The following CCNY variants were observed in gnomAD, a reference collection of about 807,000 sequenced individuals.
The protein encoded by CCNY is cyclin-Y.
CCNY carries 19 observed loss-of-function variants against 42.8 expected under a neutral mutation model. The observed-to-expected ratio is 0.44, with a 90% CI of 0.31 to 0.65. CCNY has a LOEUF of 0.65. Ranked by LOEUF, CCNY falls within the 30% of genes least tolerant of loss-of-function variation. The pLI is 0.07. For missense variants in CCNY, 370 were observed against 437.3 expected (o/e 0.85, Z 1.37); for synonymous variants, 165 against 162.7 (o/e 1.01, Z -0.11).
intron 1 of CCNY, among the ~76,000 whole-genome samples, chr10:35,339,445 C>T (rs1449828982): frequency 6.6e-6 from 1 of 152,124 alleles, no homozygotes; most frequent in African/African-American, 2.4e-5. Context: ...ACACTATATA[C>T]ATCTATATGT....
intron 3 of CCNY, among the ~76,000 whole-genome samples, chr10:35,280,132 G>A (rs781064339): frequency 6.6e-6 from 1 of 152,072 alleles, no homozygotes; most frequent in Admixed American, 6.6e-5. Context: ...AAGAATACCA[G>A]CTTGGGCTAC....
At chr10:35,383,360 T>A (rs1459680491) in intron 1 of CCNY, among the ~76,000 whole-genome samples, 1 of 151,840 alleles carries the variant, frequency 6.6e-6, no homozygotes. Context: ...CAGGCTGGAG[T>A]GCAGTGGCAC....
In CCNY at chr10:35,464,351, G is replaced by T. The variant is rs529019365; in HGVS notation, c.155-19053G>T. On this transcript the variant is annotated intron_variant, in intron 1 of 9. Coordinates refer to ENST00000374704, the MANE Select transcript of CCNY (RefSeq NM_145012.6). ...CCAACCCCTTTCCCACGTGGATGAT[G>T]ACCACAGCTCCCAACTGACAACTTT... is the stretch of plus-strand genomic sequence containing the variant. Among the ~76,000 whole-genome samples, 3 of 152,230 alleles carry T rather than the reference G, an allele frequency of 2.0e-5. No homozygotes were observed. The South Asian group carries it at 6.2e-4, about 32-fold the overall frequency.
In CCNY at chr10:35,570,062, A is replaced by G. The variant is rs1841656002; in HGVS notation, c.*892A>G. ...GTGAGAGTTCTGCAGAGTGCTGGGC[A>G]TGTGCCTGGAACTACCGAGTAGGAG... On this transcript the variant is annotated 3_prime_UTR_variant, in exon 10 of 10. Coordinates refer to ENST00000374704, the MANE Select transcript of CCNY (RefSeq NM_145012.6). 6.5e-6 allele frequency: 1 copy of G among 152,786 alleles called. No homozygotes were observed. Among genetic ancestry groups the G allele is most frequent in the African/African-American group, 2.4e-5 (1 of 41,442 alleles). The allele number at this position is 152,786 out of a possible 1,614,324, so 9.5% of individuals were successfully genotyped here.
chr10:35,534,816 T>G (rs904516029), intron 7 of CCNY, among the ~76,000 whole-genome samples: 4 of 152,066 alleles, frequency 2.6e-5, no homozygotes, highest in African/African-American at 9.7e-5. Context: ...TCTGAACATT[T>G]CATATCAATA....
chr10:35,540,946 G>A (rs1840986737), intron 7 of CCNY, among the ~76,000 whole-genome samples: 2 of 151,870 alleles, frequency 1.3e-5, no homozygotes, highest in Admixed American at 1.3e-4. Flanking sequence ...GAATTTTGTT[G>A]TTTTTTCCAA....
At chr10:35,387,247 G>T (rs1440013017) in intron 1 of CCNY, among the ~76,000 whole-genome samples, 8 of 151,256 alleles carry the variant, frequency 5.3e-5, no homozygotes, top group Non-Finnish European at 1.0e-4. Flanking sequence ...TACTGCCAGT[G>T]AGATAGTCCT....
chr10:35,433,753 A>G (rs1838464805), intron 1 of CCNY, among the ~76,000 whole-genome samples: 1 of 152,160 alleles, frequency 6.6e-6, no homozygotes, highest in African/African-American at 2.4e-5. Flanking sequence ...CTGGGACCAC[A>G]GGCACGTGCC....
chr10:35,375,208 T>G (rs1461622781), intron 1 of CCNY, among the ~76,000 whole-genome samples: 3 of 152,222 alleles, frequency 2.0e-5, no homozygotes, highest in Non-Finnish European at 2.9e-5. Flanking sequence ...CAGGACTCAG[T>G]GGGCAGAAAT....
intron 1 of CCNY, among the ~76,000 whole-genome samples, chr10:35,458,214 T>G (rs567519647): frequency 6.6e-6 from 1 of 152,342 alleles, no homozygotes; most frequent in African/African-American, 2.4e-5. Flanking sequence ...CCCCACCCAT[T>G]GCACCTCAGA....
At chr10:35,402,606 AG>A (rs1217007404) in intron 1 of CCNY, among the ~76,000 whole-genome samples, 1 of 152,236 alleles carries the variant, frequency 6.6e-6, no homozygotes, top group African/African-American at 2.4e-5. Flanking sequence ...TGTTTGTTAA[AG>A]AAGGATTAGA....
At chr10:35,527,162 G>A (rs192652778) in intron 5 of CCNY, among the ~76,000 whole-genome samples, 1 of 152,274 alleles carries the variant, frequency 6.6e-6, no homozygotes, top group Admixed American at 6.5e-5. Flanking sequence ...TGGTGCTTGA[G>A]AATTTTGGAT....
intron 8 of CCNY, 23 bp downstream of exon 8, chr10:35,553,208 TTGGTCATCAGAG>T: frequency 6.2e-7 from 1 of 1,611,144 alleles, no homozygotes; most frequent in Non-Finnish European, 8.5e-7. Context: ...GCAGAGGGTG[TTGGTCATCAGAG>T]TCTTGGCCAG....
chr10:35,355,377 C>A (rs1836521681), intron 1 of CCNY, among the ~76,000 whole-genome samples: 1 of 151,960 alleles, frequency 6.6e-6, no homozygotes, highest in Admixed American at 6.6e-5. Context: ...TTAGGAAACA[C>A]TTTTAAAAAC....
chr10:35,538,580 C>G (rs181931286), intron 7 of CCNY, among the ~76,000 whole-genome samples: 9 of 152,288 alleles, frequency 5.9e-5, no homozygotes, highest in African/African-American at 2.2e-4. Context: ...GGTTGAACAT[C>G]TTTTCATGTG....
At chr10:35,465,424 C>G (rs530183959) in intron 1 of CCNY, among the ~76,000 whole-genome samples, 1 of 152,120 alleles carries the variant, frequency 6.6e-6, no homozygotes, top group Non-Finnish European at 1.5e-5. Flanking sequence ...TGAATTTAAA[C>G]TTGTCACTTC....
intron 1 of CCNY, among the ~76,000 whole-genome samples, chr10:35,429,870 G>T (rs1838347007): frequency 6.6e-6 from 1 of 152,152 alleles, no homozygotes; most frequent in Admixed American, 6.5e-5. Flanking sequence ...AATAATCCTT[G>T]ATTATTCAGC....
intron 3 of CCNY, among the ~76,000 whole-genome samples, chr10:35,278,565 C>T (rs915249743): frequency 1.3e-5 from 2 of 152,134 alleles, no homozygotes; most frequent in East Asian, 1.9e-4. Context: ...GAAAGGCTGT[C>T]GAGAGGCATG....
chr10:35,337,025 T>C lies in CCNY; in HGVS notation c.-29T>C, dbSNP rs371295444. 287 of 1,521,236 alleles carry C rather than the reference T, an allele frequency of 1.9e-4. No homozygotes were observed. In the African/African-American group the frequency reaches 3.2e-3, roughly 17 times the overall value. The allele number at this position is 1,521,236 out of a possible 1,614,324, so 94.2% of individuals were successfully genotyped here. A position where few individuals can be genotyped will look rare whatever the true frequency, so the allele number is the denominator to read the frequency against. On this transcript the variant is annotated 5_prime_UTR_variant, in exon 1 of 10. Transcript: ENST00000374704. ...GCTCCCGGGGACTGGGAGAACAGGA[T>C]AGCAGCAGGAGTCGGGGGGCCGCCG...
Sources: allele counts gnomAD v4.1 joint callset (sites outside exome capture counted in the v4.1 genomes callset), GRCh38; gene constraint gnomAD v4.1.1; transcripts MANE v1.5; gene names NCBI Gene and HGNC (gene_info 2026-07-23, HGNC 2026-07-21).